LMOD1: variants seen among roughly 807,000 people sequenced by gnomAD.
The protein encoded by LMOD1 is leiomodin 1.
A neutral mutation model predicts 36.5 loss-of-function variants in LMOD1; 8 were observed. The ratio of observed to expected loss-of-function variants is 0.22; its 90% confidence interval spans 0.13 to 0.40. The LOEUF (loss-of-function observed/expected upper bound fraction) is 0.40. Ranked by LOEUF, LMOD1 falls within the 10% of genes least tolerant of loss-of-function variation. The probability of loss-of-function intolerance (pLI) is 1.00; values close to 1 mark genes in which losing one functional copy is unlikely to be tolerated. For synonymous variants in LMOD1, 284 were observed against 288.7 expected, an observed-to-expected ratio of 0.98 and a Z score of 0.17; for missense variants, 630 against 751.1, an observed-to-expected ratio of 0.84 and a Z score of 1.88.
intron 1 of LMOD1, among the ~76,000 whole-genome samples, chr1:201,943,539 C>T (rs2025454033): frequency 2.6e-5 from 4 of 152,224 alleles, no homozygotes; most frequent in African/African-American, 9.6e-5. Context: ...GGTCCCCACT[C>T]TGAGCACCCA....
intron 1 of LMOD1, among the ~76,000 whole-genome samples, chr1:201,935,110 C>T (rs142275058): frequency 0.01 from 1,567 of 152,298 alleles, 16 homozygotes; most frequent in Non-Finnish European, 0.016. Flanking sequence ...TAATTTATGC[C>T]TTTAAAAGGC....
At chr1:201,905,495 A>G (rs567643833) in intron 1 of LMOD1, among the ~76,000 whole-genome samples, 3 of 152,254 alleles carry the variant, frequency 2.0e-5, no homozygotes, top group South Asian at 2.1e-4. Flanking sequence ...CACCACCTCC[A>G]TTGGCAAAAG....
Position 201,899,872 on chromosome 1 carries a change from T to G in LMOD1, c.1141A>C (p.Ile381Leu). 6.2e-7 allele frequency: 1 copy of G among 1,613,988 alleles called. No individual in the cohort carries two copies. The highest frequency in any genetic ancestry group is 8.5e-7 in the Non-Finnish European group (1 of 1,179,870). Reference sequence around the variant, plus strand: ...ATGGTCTTGTTGGCCTTGAGCATGATGGCAATGGCAAAGGCCACGTGGTCA... The same window carrying G: ...ATGGTCTTGTTGGCCTTGAGCATGAGGGCAATGGCAAAGGCCACGTGGTCA... ...ADDHVAFAIA[I>L]MLKANKTITS... Residue 381 changes from isoleucine to leucine, a missense_variant, in exon 2 of 3, where the codon ATC becomes CTC. Transcript: ENST00000367288. The surrounding 1 kb of genome is among the most constrained non-coding windows in gnomAD (Gnocchi z 6.3).
In LMOD1 at chr1:201,921,702, TA is replaced by T. The variant is rs1217671951; in HGVS notation, c.262-20952del. Among the ~76,000 whole-genome samples the T allele has an allele frequency of 5.3e-5, 8 of 151,952 alleles. No individual in the cohort carries two copies. The East Asian group carries it at 1.6e-3, about 30-fold the overall frequency. On this transcript the variant is annotated intron_variant, in intron 1 of 2. Coordinates refer to ENST00000367288, the MANE Select transcript of LMOD1 (RefSeq NM_012134.3). ...ATGGCCGGATGCAGTGGCTCATGCC[TA>T]TAATCCCAGCACTTTGGGAGGCTGA... is the stretch of plus-strand genomic sequence containing the variant.
rs1681509128 is a variant in LMOD1, at chr1:201,912,392, C to G, written c.262-11641G>C. ...CCAAGCCCTTCTCCTCCCCCTCCCC[C>G]ACAGCTCCCTTCACTCCCTCCCTTA... On this transcript the variant is annotated intron_variant, in intron 1 of 2. Transcript: ENST00000367288. 2.0e-5 allele frequency among the ~76,000 whole-genome samples: 3 copies of G among 152,118 alleles called. No homozygotes were observed. The South Asian group carries it at 6.2e-4, about 32-fold the overall frequency.
intron 1 of LMOD1, among the ~76,000 whole-genome samples, chr1:201,939,550 A>G (rs2820300): frequency 0.98 from 149,693 of 152,282 alleles, 73,619 homozygotes; most frequent in Non-Finnish European, 1. Flanking sequence ...CTAACAAGCC[A>G]TTGGGAGAAC....
chr1:201,905,934 A>G (rs1166812563), intron 1 of LMOD1, among the ~76,000 whole-genome samples: 1 of 152,146 alleles, frequency 6.6e-6, no homozygotes, highest in African/African-American at 2.4e-5. Context: ...TCCTTTCCCA[A>G]AGCAAGACCG....
At chr1:201,927,572 A>G (rs1304068981) in intron 1 of LMOD1, among the ~76,000 whole-genome samples, 3 of 142,534 alleles carry the variant, frequency 2.1e-5, no homozygotes, top group African/African-American at 7.7e-5. Flanking sequence ...CTCAAAAAAC[A>G]AACAAACAAA....
chr1:201,921,474 T>G (rs1681701721), intron 1 of LMOD1, among the ~76,000 whole-genome samples: 1 of 101,080 alleles, frequency 9.9e-6, no homozygotes, highest in Admixed American at 1.6e-4. Context: ...GGCGACAGAG[T>G]GAGACTCCAT....
At chr1:201,901,347 A>T (rs1320838639) in intron 1 of LMOD1, among the ~76,000 whole-genome samples, 2 of 150,858 alleles carry the variant, frequency 1.3e-5, no homozygotes, top group African/African-American at 2.4e-5. Context: ...CTACTAAAAT[A>T]CAAAATTAGC....
At chr1:201,910,694 G>A (rs1245715862) in intron 1 of LMOD1, among the ~76,000 whole-genome samples, 1 of 141,156 alleles carries the variant, frequency 7.1e-6, no homozygotes, top group Non-Finnish European at 1.5e-5. Context: ...GGGAGTTACA[G>A]TTTCTGGGAG....
At chr1:201,925,090 C>A (rs559737153) in intron 1 of LMOD1, among the ~76,000 whole-genome samples, 1 of 152,158 alleles carries the variant, frequency 6.6e-6, no homozygotes, top group African/African-American at 2.4e-5. Flanking sequence ...TGGCGCCCAC[C>A]TGTAAGCCCA....
Position 201,896,464 on chromosome 1 carries a change from G to A in LMOD1, c.*1908C>T. The A allele has an allele frequency of 4.4e-6, 2 of 454,856 alleles. No individual in the cohort carries two copies. The highest frequency in any genetic ancestry group is 1.6e-5 in the South Asian group (1 of 64,480). 28.2% of individuals were successfully genotyped at this position (454,856 alleles called of 1,614,324 possible). A position where few individuals can be genotyped will look rare whatever the true frequency, so the allele number is the denominator to read the frequency against. ...AACAAACAAAACAGACCTGAGCTCTGACTTTTATTAGCTGTGTGATCATGG... is the reference window on the plus strand; with the variant it reads ...AACAAACAAAACAGACCTGAGCTCTAACTTTTATTAGCTGTGTGATCATGG... On this transcript the variant is annotated 3_prime_UTR_variant, in exon 3 of 3. Coordinates refer to ENST00000367288, the MANE Select transcript of LMOD1 (RefSeq NM_012134.3).
At chr1:201,900,974 G>A (rs1292451176) in intron 1 of LMOD1, among the ~76,000 whole-genome samples, 1 of 152,130 alleles carries the variant, frequency 6.6e-6, no homozygotes, top group Non-Finnish European at 1.5e-5. Flanking sequence ...AGGCCTCAGG[G>A]TTGTGAGACA....
chr1:201,945,948 T>C, intron 1 of LMOD1, 132 bp downstream of exon 1: 1 of 886,738 alleles, frequency 1.1e-6, no homozygotes, highest in Non-Finnish European at 1.8e-6. Context: ...TGGATAATCA[T>C]CAGTTCTGAA....
intron 1 of LMOD1, among the ~76,000 whole-genome samples, chr1:201,928,726 C>T (rs956433091): frequency 1.3e-5 from 2 of 152,110 alleles, no homozygotes; most frequent in South Asian, 2.1e-4. Flanking sequence ...AATATTATTA[C>T]TATTATTGAG....
chr1:201,928,699 A>G (rs1344877097), intron 1 of LMOD1, among the ~76,000 whole-genome samples: 2 of 152,180 alleles, frequency 1.3e-5, no homozygotes, highest in African/African-American at 4.8e-5. Context: ...GTGCATATAG[A>G]GCAAATTATC....
At position 201,918,471 on chromosome 1, in the gene LMOD1, C is replaced by G. The variant is rs1162079206; in HGVS notation, c.262-17720G>C. 2.0e-5 allele frequency among the ~76,000 whole-genome samples: 3 copies of G among 152,204 alleles called. No individual in the cohort carries two copies. In the East Asian group the frequency reaches 5.8e-4, roughly 29 times the overall value. ...GGCAACAAAGCCCTCCGTGACCTGG[C>G]CTGTGCCTGCCTCTGTGCGCCCTCC... On this transcript the variant is annotated intron_variant, in intron 1 of 2. Coordinates refer to ENST00000367288, the MANE Select transcript of LMOD1 (RefSeq NM_012134.3).
intron 1 of LMOD1, among the ~76,000 whole-genome samples, chr1:201,927,393 C>T (rs893720039): frequency 2.0e-5 from 3 of 151,970 alleles, no homozygotes; most frequent in African/African-American, 7.3e-5. Flanking sequence ...TGGTGTAACC[C>T]CATCTCTACT....
Sources: gnomAD v4.1 joint callset for allele counts (sites outside exome capture counted in the v4.1 genomes callset) on GRCh38, gnomAD v4.1.1 for gene constraint, Gnocchi (gnomAD v3.1) non-coding constraint, MANE v1.5 for transcripts, NCBI Gene and HGNC (gene_info 2026-07-23, HGNC 2026-07-21) for gene names.